Variants in SEMA3D observed in about 807,000 individuals in gnomAD.
The protein encoded by SEMA3D is semaphorin-3D.
SEMA3D carries 84 observed loss-of-function variants against 100.1 expected under a neutral mutation model. That is an observed-to-expected ratio of 0.84 (90% CI 0.70 to 1.01). SEMA3D has a LOEUF of 1.01. Among genes scored for constraint, SEMA3D ranks in the 50% least tolerant of loss-of-function variants. The pLI is 0.00. For missense variants in SEMA3D, 875 were observed against 934.1 expected (o/e 0.94, Z 0.82); for synonymous variants, 312 against 320.7 (o/e 0.97, Z 0.29).
intron 3 of SEMA3D, 151 bp downstream of exon 3, chr7:85,121,590 T>C: frequency 1.7e-5 from 9 of 517,360 alleles, no homozygotes; most frequent in Non-Finnish European, 2.3e-5. Flanking sequence ...AATGAGTAAT[T>C]GGGCTTCGTG....
intron 18 of SEMA3D, among the ~76,000 whole-genome samples, chr7:85,002,620 A>C (rs2115716650): frequency 6.6e-6 from 1 of 152,290 alleles, no homozygotes; most frequent in East Asian, 1.9e-4. Flanking sequence ...ACAAAGAGAT[A>C]ATGTAATCTC....
rs1418646316 is a variant in SEMA3D, at chr7:85,097,875, C to T, written c.242G>A (p.Arg81Lys). The part of the protein sequence containing the change: ...QTLLLDEERG[R>K]LLLGAKDHIF... ...GTGGTCTTTGGCTCCCAAGAGCAGC[C>T]TGCCTCTTTCCTCATCTAAGAGAAG... Residue 81 changes from arginine to lysine, a missense_variant, in exon 4 of 19, where the codon AGG becomes AAG. Transcript: ENST00000284136. The T allele has an allele frequency of 1.2e-6, 2 of 1,609,304 alleles. No individual in the cohort carries two copies. Among genetic ancestry groups the T allele is most frequent in the Non-Finnish European group, 1.7e-6 (2 of 1,176,718 alleles).
intron 2 of SEMA3D, chr7:85,139,955 G>T: frequency 5.3e-6 from 1 of 190,306 alleles, no homozygotes; most frequent in Non-Finnish European, 9.7e-6. Context: ...TTACCTCCCT[G>T]AGTAGAGGGC....
intron 4 of SEMA3D, among the ~76,000 whole-genome samples, chr7:85,094,606 T>G (rs1171347833): frequency 6.6e-6 from 1 of 151,932 alleles, no homozygotes; most frequent in African/African-American, 2.4e-5. Context: ...CTGGAGAAAC[T>G]GAACCTACAA....
At chr7:85,105,036 T>C (rs916255200) in intron 3 of SEMA3D, among the ~76,000 whole-genome samples, 3 of 152,062 alleles carry the variant, frequency 2.0e-5, no homozygotes, top group Admixed American at 6.6e-5. Flanking sequence ...TGCCCACTTT[T>C]CTTTTTCCTT....
intron 2 of SEMA3D, among the ~76,000 whole-genome samples, chr7:85,146,428 C>A (rs764540390): frequency 6.6e-6 from 1 of 151,798 alleles, no homozygotes; most frequent in Middle Eastern, 3.4e-3. Flanking sequence ...GGTGGCAGGA[C>A]CTGTAACCCC....
intron 2 of SEMA3D, among the ~76,000 whole-genome samples, chr7:85,132,801 C>G (rs1562830339): frequency 6.6e-6 from 1 of 151,920 alleles, no homozygotes; most frequent in African/African-American, 2.4e-5. Flanking sequence ...CCTCATAACA[C>G]TGTTTTAGAA....
In SEMA3D at chr7:85,040,701, C is replaced by T; in HGVS notation, c.1018G>A (p.Val340Ile). Residue 340 changes from valine (V) to isoleucine (I), a missense_variant, in exon 11 of 19, where the codon GTA (valine) becomes ATA (isoleucine). Val to Ile is a conservative substitution (Grantham distance 29). Transcript: ENST00000284136. ...LLPTRDERNP[V>I]VYGVFTTTSS... The stretch of plus-strand genomic sequence containing the variant: ...GTTGTAGTAAAGACTCCATATACTA[C>T]AGGATTTCTTTCATCTCTTGTGGGG... 6.8e-7 allele frequency: 1 copy of T among 1,480,118 alleles called. No homozygotes were observed. Among genetic ancestry groups the T allele is most frequent in the Non-Finnish European group, 9.4e-7 (1 of 1,060,742 alleles). 91.7% of individuals were successfully genotyped at this position (1,480,118 alleles called of 1,614,324 possible).
chr7:85,098,960 T>C (rs911800119), intron 3 of SEMA3D, among the ~76,000 whole-genome samples: 8 of 151,946 alleles, frequency 5.3e-5, no homozygotes, highest in Admixed American at 4.6e-4. Context: ...TTCTTTCACT[T>C]AGTAATATGC....
intron 2 of SEMA3D, among the ~76,000 whole-genome samples, chr7:85,147,924 G>C (rs1790262556): frequency 6.6e-6 from 1 of 151,976 alleles, no homozygotes; most frequent in African/African-American, 2.4e-5. Context: ...AGTGCACCCT[G>C]TCCCTAACAT....
At chr7:85,212,063 A>T in the SEMA3D span, among the ~76,000 whole-genome samples, 1 of 152,068 alleles carries the variant, frequency 6.6e-6, no homozygotes, top group Non-Finnish European at 1.5e-5. Context: ...TCAATGGTAA[A>T]CTATTTTTTT....
At chr7:85,225,866 G>A in the SEMA3D span, among the ~76,000 whole-genome samples, 6 of 152,018 alleles carry the variant, frequency 3.9e-5, no homozygotes, top group South Asian at 2.1e-4. Flanking sequence ...TCAATTTCAT[G>A]TTACAAACAT....
chr7:85,165,439 A>G (rs1367085270), intron 1 of SEMA3D, among the ~76,000 whole-genome samples: 1 of 152,108 alleles, frequency 6.6e-6, no homozygotes, highest in Non-Finnish European at 1.5e-5. Flanking sequence ...GTTTCATGTG[A>G]CTAAGATAAA....
At chr7:85,083,932 G>C (rs556155436) in intron 4 of SEMA3D, among the ~76,000 whole-genome samples, 1 of 151,420 alleles carries the variant, frequency 6.6e-6, no homozygotes, top group South Asian at 2.1e-4. Context: ...CAGATCACGA[G>C]GTCAGGAGAT....
intron 5 of SEMA3D, among the ~76,000 whole-genome samples, 194 bp from the exon 6 acceptor site, chr7:85,073,275 T>C (rs2116190995): frequency 6.6e-6 from 1 of 152,010 alleles, no homozygotes; most frequent in South Asian, 2.1e-4. Flanking sequence ...TATAAAGGAG[T>C]AGCTTTTTAG....
chr7:85,077,931 A>G (rs1248907652), intron 5 of SEMA3D, among the ~76,000 whole-genome samples: 1 of 152,206 alleles, frequency 6.6e-6, no homozygotes, highest in African/African-American at 2.4e-5. Flanking sequence ...CTGGATATGT[A>G]CCAAACTTCT....
intron 12 of SEMA3D, chr7:85,029,053 A>G: frequency 6.0e-6 from 3 of 499,190 alleles, no homozygotes; most frequent in South Asian, 5.8e-5. Flanking sequence ...TGATGGAGTC[A>G]TGGCTGTCCT....
At chr7:85,201,016 T>C in the SEMA3D span, among the ~76,000 whole-genome samples, 2 of 152,028 alleles carry the variant, frequency 1.3e-5, no homozygotes, top group African/African-American at 2.4e-5. Context: ...CCAGCAATAA[T>C]AGGTAATTTT....
In SEMA3D at chr7:84,999,581, G is replaced by T; in HGVS notation, c.2193C>A (p.Cys731Ter). The part of the protein sequence containing the change: ...SSPNFSLDQY[C>*]EQMWHREKRR... ...GCTTCTCCCTGTGCCACATCTGTTC[G>T]CAGTACTGGTCGAGGCTGAAGTTTG... Residue 731 changes from cysteine to a stop codon, truncating the protein, a stop_gained, in exon 19 of 19, where the codon TGC becomes TGA. Coordinates refer to ENST00000284136, the MANE Select transcript of SEMA3D (RefSeq NM_001384900.1). LOFTEE classifies it high-confidence loss of function. 1.9e-6 allele frequency: 3 copies of T among 1,614,042 alleles called. No homozygotes were observed. The South Asian group carries it at 3.3e-5, about 18-fold the overall frequency.
Sources: allele counts gnomAD v4.1 joint callset (sites outside exome capture counted in the v4.1 genomes callset), GRCh38; gene constraint gnomAD v4.1.1; transcripts MANE v1.5; gene names NCBI Gene and HGNC (gene_info 2026-07-23, HGNC 2026-07-21).